The following DEPDC1 variants were observed in gnomAD, a reference collection of about 807,000 sequenced individuals.
The protein encoded by DEPDC1 is DEP domain containing 1.
A neutral mutation model predicts 86.8 loss-of-function variants in DEPDC1; 66 were observed. The observed-to-expected ratio is 0.76, with a 90% CI of 0.62 to 0.93. The LOEUF is 0.93. DEPDC1 is among the 40% of genes least tolerant of loss of function. DEPDC1 has a pLI of 0.00. For synonymous variants in DEPDC1, 255 were observed against 314.9 expected (o/e 0.81, Z 2.02); for missense variants, 792 against 935.7 (o/e 0.85, Z 2.00).
chr1:68,483,226 A>G (rs779063630), intron 7 of DEPDC1: 1 of 533,016 alleles, frequency 1.9e-6, no homozygotes, highest in South Asian at 1.4e-5. Context: ...AATATAAGAT[A>G]ATTGTGGTAT....
At chr1:68,488,529 T>A in intron 4 of DEPDC1, 25 bp from the exon 5 acceptor site, 1 of 1,576,320 alleles carries the variant, frequency 6.3e-7, no homozygotes, top group Non-Finnish European at 8.6e-7. Context: ...GAATATTAAC[T>A]TTTTTTCTTC....
chr1:68,496,712 G>A lies in DEPDC1; in HGVS notation c.48+240C>T, dbSNP rs113827207. On this transcript the variant is annotated intron_variant, in intron 1 of 11. Transcript: ENST00000456315. The surrounding 1 kb of genome is among the most constrained non-coding windows in gnomAD (Gnocchi z 4.0). ...TCGCTCCTCATAGCGAGTCTGGTGCGGCCTACGCGCGGCGCTTCCTTTCGG... is the reference window on the plus strand; with the variant it reads ...TCGCTCCTCATAGCGAGTCTGGTGCAGCCTACGCGCGGCGCTTCCTTTCGG... 1 of 438,284 alleles carries A rather than the reference G, an allele frequency of 2.3e-6. No individual in the cohort carries two copies. The allele number at this position is 438,284 out of a possible 1,614,324, so 27.1% of individuals were successfully genotyped here.
In DEPDC1 at chr1:68,475,852, C is replaced by T. The variant is rs1277594234; in HGVS notation, c.*1080G>A. The stretch of plus-strand genomic sequence containing the variant: ...AAAAAGCATTTAGGCCATTGATTCT[C>T]ACAGTTGGCTGAATATTGGAATCAC... On this transcript the variant is annotated 3_prime_UTR_variant, in exon 12 of 12. Transcript: ENST00000456315. 1 of 151,848 alleles carries T rather than the reference C, an allele frequency of 6.6e-6. No homozygotes were observed. Among genetic ancestry groups the T allele is most frequent in the Non-Finnish European group, 1.5e-5 (1 of 67,830 alleles). The allele number at this position is 151,848 out of a possible 1,614,324, so 9.4% of individuals were successfully genotyped here.
At chr1:68,481,839 G>C (rs1646158156) in intron 8 of DEPDC1, 2 of 608,036 alleles carry the variant, frequency 3.3e-6, no homozygotes, top group Non-Finnish European at 5.2e-6. Flanking sequence ...AAGTGACTCA[G>C]AATAAATGAA....
In DEPDC1 at chr1:68,482,584, A is replaced by G. The variant is rs371401449; in HGVS notation, c.1224T>C (p.Asn408=). ...TGCTGTTAGAGGATAGATCATGCATATTACTTAACCCTATTAAATTATGAC... is the reference window on the plus strand; with the variant it reads ...TGCTGTTAGAGGATAGATCATGCATGTTACTTAACCCTATTAAATTATGAC... ...GSCHNLIGLS[N]MHDLSSNSKP... is the part of the protein sequence containing the mutation. The change falls in exon 8 of 12, where the codon AAT becomes AAC. Residue 408 remains asparagine, a synonymous_variant. Coordinates refer to ENST00000456315, the MANE Select transcript of DEPDC1 (RefSeq NM_001114120.3). 412 of 1,612,982 alleles carry G rather than the reference A, an allele frequency of 2.6e-4. No individual in the cohort carries two copies. The highest frequency in any genetic ancestry group is 3.1e-4 in the Non-Finnish European group (368 of 1,179,364).
At position 68,489,496 on chromosome 1, in the gene DEPDC1, A is replaced by C; in HGVS notation, c.427T>G (p.Leu143Val). Residue 143 changes from leucine to valine, a missense_variant, in exon 3 of 12, where the codon TTA becomes GTA. Coordinates refer to ENST00000456315, the MANE Select transcript of DEPDC1 (RefSeq NM_001114120.3). Reference sequence around the variant, plus strand: ...TGCCTTTTAGGAGTTCTACGAGATAAGTTTCGTAATTTAAAAATGCTATCT... The same window carrying C: ...TGCCTTTTAGGAGTTCTACGAGATACGTTTCGTAATTTAAAAATGCTATCT... ...DKDSIFKLRN[L>V]SRRTPKRHGL... 6.5e-7 allele frequency: 1 copy of C among 1,534,292 alleles called. No individual in the cohort carries two copies. The highest frequency in any genetic ancestry group is 8.7e-7 in the Non-Finnish European group (1 of 1,151,666).
chr1:68,488,747 CT>C (rs2100264583), intron 4 of DEPDC1, among the ~76,000 whole-genome samples, 168 bp downstream of exon 4: 1 of 151,874 alleles, frequency 6.6e-6, no homozygotes, highest in South Asian at 2.1e-4. Flanking sequence ...CATTCAATTT[CT>C]ACTCTACTAG....
rs11353957 is a variant in DEPDC1, at chr1:68,495,142, C to CA, written c.49-448dup. Among the ~76,000 whole-genome samples, 499 of 146,936 alleles carry CA rather than the reference C, an allele frequency of 3.4e-3. 5 individuals carry two copies. Among genetic ancestry groups the CA allele is most frequent in the African/African-American group, 3.9e-3 (156 of 40,262 alleles). The stretch of plus-strand genomic sequence containing the variant: ...TGGCAACAAGAGCAAAACTCAGTCT[C>CA]AAAAAAAAAAAAATTATATCTTACA... On this transcript the variant is annotated intron_variant, in intron 1 of 11. Transcript: ENST00000456315.
rs1041066649 is a variant in DEPDC1 at position 68,494,314 on chromosome 1, G to A, written c.314+116C>T. 7.1e-6 allele frequency: 7 copies of A among 992,598 alleles called. No homozygotes were observed. In the South Asian group the frequency reaches 1.4e-4, roughly 20 times the overall value. The allele number at this position is 992,598 out of a possible 1,614,324, so 61.5% of individuals were successfully genotyped here. A position where few individuals can be genotyped will look rare whatever the true frequency, so the allele number is the denominator to read the frequency against. ...TTTAGTTGAACTAACAGCATTAATA[G>A]TTTTCCAAAGAAATAAAACTTCTTT... is the stretch of plus-strand genomic sequence containing the variant. On this transcript the variant is annotated intron_variant, in intron 2 of 11. Transcript: ENST00000456315.
At position 68,482,408 on chromosome 1, in the gene DEPDC1, A is replaced by C. The variant is rs1477151684; in HGVS notation, c.1400T>G (p.Leu467Trp). ...AATATTTTCCTCTGAATGAAGATTC[A>C]ACAGGAATTCCTGTTTGGGCTTAGA... ...LESKPKQEFL[L>W]NLHSEENIQK... The change falls in exon 8 of 12, where the codon TTG becomes TGG. Residue 467 changes from leucine (L) to tryptophan (W), a missense_variant. By Grantham distance (61) the Leu-to-Trp change is moderately conservative (BLOSUM62 -2). Transcript: ENST00000456315. The C allele has an allele frequency of 6.2e-7, 1 of 1,612,856 alleles. No individual in the cohort carries two copies. The highest frequency in any genetic ancestry group is 8.5e-7 in the Non-Finnish European group (1 of 1,179,268).
intron 7 of DEPDC1, among the ~76,000 whole-genome samples, chr1:68,483,734 A>G (rs1258140701): frequency 6.6e-6 from 1 of 152,058 alleles, no homozygotes; most frequent in Non-Finnish European, 1.5e-5. Context: ...GAATCATTGT[A>G]GTGAATTATT....
At chr1:68,485,471 C>T (rs1022527109) in intron 6 of DEPDC1, among the ~76,000 whole-genome samples, 4 of 151,936 alleles carry the variant, frequency 2.6e-5, no homozygotes, top group African/African-American at 7.2e-5. Flanking sequence ...TCTGGGGGAT[C>T]GAATAACAAG....
rs775630346 is a variant in DEPDC1, at chr1:68,488,398, C to T, written c.697G>A (p.Val233Ile). 8 of 1,592,226 alleles carry T rather than the reference C, an allele frequency of 5.0e-6. No individual in the cohort carries two copies. The Admixed American group carries it at 1.4e-4, about 29-fold the overall frequency. The change falls in exon 5 of 12, where the codon GTA (valine) becomes ATA (isoleucine). Residue 233 changes from valine (V) to isoleucine (I), a missense_variant. Val to Ile is a conservative substitution (Grantham distance 29). Transcript: ENST00000456315. ...YNMANTSKRG[V>I]VILQNKSDDL... Reference sequence around the variant, plus strand: ...CCTGATTTGTTTTGTAGTATAACTACTCCACGTTTACTTGTATTGGCCATG... The same window carrying T: ...CCTGATTTGTTTTGTAGTATAACTATTCCACGTTTACTTGTATTGGCCATG...
chr1:68,496,772 G>A lies in DEPDC1; in HGVS notation c.48+180C>T, dbSNP rs551209878. 1.7e-3 allele frequency: 1,032 copies of A among 595,454 alleles called. 1 individual carries two copies. Among genetic ancestry groups the A allele is most frequent in the Middle Eastern group, 2.6e-3 (9 of 3,406 alleles). The allele number at this position is 595,454 out of a possible 1,614,324, so 36.9% of individuals were successfully genotyped here. A position where few individuals can be genotyped will look rare whatever the true frequency, so the allele number is the denominator to read the frequency against. On this transcript the variant is annotated intron_variant, in intron 1 of 11. Coordinates refer to ENST00000456315, the MANE Select transcript of DEPDC1 (RefSeq NM_001114120.3). This position sits in a 1 kb window ranked among gnomAD's most constrained non-coding sequence, Gnocchi z 4.0. ...CCAGACCCTCAAAATAGAGGGAGCG[G>A]TGAGTCTGGCAAGGGTTGCATACCC...
intron 2 of DEPDC1, among the ~76,000 whole-genome samples, chr1:68,493,723 ATTG>A (rs1266197453): frequency 6.6e-6 from 1 of 152,096 alleles, no homozygotes; most frequent in Non-Finnish European, 1.5e-5. Context: ...TTCTGTTATC[ATTG>A]TTATTTTTTG....
chr1:68,483,709 T>G (rs1646173571), intron 7 of DEPDC1, among the ~76,000 whole-genome samples: 2 of 152,026 alleles, frequency 1.3e-5, no homozygotes, highest in African/African-American at 4.8e-5. Flanking sequence ...GTTAAAGTGC[T>G]TTTCTGAGTT....
In DEPDC1 at chr1:68,481,592, C is replaced by T. The variant is rs1388537993; in HGVS notation, c.1783G>A (p.Glu595Lys). 1.2e-6 allele frequency: 2 copies of T among 1,602,068 alleles called. No homozygotes were observed. The highest frequency in any genetic ancestry group is 1.4e-5 in the African/African-American group (1 of 73,440). Residue 595 changes from glutamate (E) to lysine (K), a missense_variant, in exon 9 of 12, where the codon GAG (glutamate) becomes AAG (lysine). By Grantham distance (56) the Glu-to-Lys change is moderately conservative. Coordinates refer to ENST00000456315, the MANE Select transcript of DEPDC1 (RefSeq NM_001114120.3). ...GTQSLLQPHL[E>K]RVAIDALQLC... ...TGTAGAGCATCGATGGCAACCCTCT[C>T]TAAATGAGGTTGCAGCAAGCCTAGA... is the stretch of plus-strand genomic sequence containing the variant.
In DEPDC1 at chr1:68,496,897, C is replaced by T; in HGVS notation, c.48+55G>A. The T allele has an allele frequency of 6.3e-7, 1 of 1,579,334 alleles. No individual in the cohort carries two copies. The highest frequency in any genetic ancestry group is 1.1e-5 in the South Asian group (1 of 89,648). On this transcript the variant is annotated intron_variant, in intron 1 of 11. Coordinates refer to ENST00000456315, the MANE Select transcript of DEPDC1 (RefSeq NM_001114120.3). This position sits in a 1 kb window ranked among gnomAD's most constrained non-coding sequence, Gnocchi z 4.0. The stretch of plus-strand genomic sequence containing the variant: ...CGAACGGTCGAGGTAAAACTGCGAA[C>T]AGTGGTGACTGCCGTCAGCCCGCTG...
chr1:68,484,873 C>T (rs1479262007), intron 6 of DEPDC1, among the ~76,000 whole-genome samples: 1 of 148,992 alleles, frequency 6.7e-6, no homozygotes, highest in East Asian at 2.0e-4. Flanking sequence ...ATGTTTGCTT[C>T]TGGTTCACTG....
Sources: allele counts gnomAD v4.1 joint callset (sites outside exome capture counted in the v4.1 genomes callset), GRCh38; gene constraint gnomAD v4.1.1; non-coding constraint Gnocchi (gnomAD v3.1); transcripts MANE v1.5; gene names NCBI Gene and HGNC (gene_info 2026-07-23, HGNC 2026-07-21).